Variants in ADAMTS17 observed in about 807,000 individuals in gnomAD.
ADAMTS17 encodes A disintegrin and metalloproteinase with thrombospondin motifs 17.
Under a neutral mutation model 141.5 loss-of-function variants are expected in ADAMTS17, and 113 were observed. That is an observed-to-expected ratio of 0.80 (90% CI 0.69 to 0.93). The LOEUF (loss-of-function observed/expected upper bound fraction) is 0.93. Among genes scored for constraint, ADAMTS17 ranks in the 40% least tolerant of loss-of-function variants. The probability of loss-of-function intolerance (pLI) is 0.00; values close to 1 mark genes in which losing one functional copy is unlikely to be tolerated. For missense variants in ADAMTS17, 1,659 were observed against 1,517.9 expected (o/e 1.09, Z -1.54); for synonymous variants, 768 against 630.6 (o/e 1.22, Z -3.27).
chr15:100,123,542 TC>T (rs2037561179), intron 12 of ADAMTS17, among the ~76,000 whole-genome samples: 1 of 152,178 alleles, frequency 6.6e-6, no homozygotes, highest in Admixed American at 6.5e-5. Flanking sequence ...TGAGGACTGA[TC>T]CCTGAGGACC....
chr15:100,292,431 CGTGTT>C (rs1567497835), intron 3 of ADAMTS17, among the ~76,000 whole-genome samples: 1 of 140,564 alleles, frequency 7.1e-6, no homozygotes, highest in Non-Finnish European at 1.5e-5. Flanking sequence ...ACACTCACCC[CGTGTT>C]AGAGACACTC....
intron 18 of ADAMTS17, among the ~76,000 whole-genome samples, chr15:100,047,299 G>T (rs1261859474): frequency 7.5e-6 from 1 of 133,166 alleles, no homozygotes; most frequent in Non-Finnish European, 1.5e-5. Context: ...GTGGTCCTGT[G>T]ATCTCGCCCT....
chr15:99,977,116 A>G (rs2060350701), intron 20 of ADAMTS17, among the ~76,000 whole-genome samples: 1 of 151,992 alleles, frequency 6.6e-6, no homozygotes, highest in Non-Finnish European at 1.5e-5. Flanking sequence ...ATTGGGGCTT[A>G]GAATTAAGTA....
chr15:100,192,023 A>G lies in ADAMTS17; in HGVS notation c.1181+7295T>C, dbSNP rs558030751. Among the ~76,000 whole-genome samples the G allele has an allele frequency of 1.4e-4, 21 of 152,328 alleles. No homozygotes were observed. The South Asian group carries it at 4.1e-3, about 30-fold the overall frequency. ...TAACCTATAAATATATATACCTACT[A>G]TATACCCATAAAAATTAAAAATAAA... On this transcript the variant is annotated intron_variant, in intron 8 of 21. Transcript: ENST00000268070.
At chr15:100,253,440 AGG>A (rs2043218652) in intron 7 of ADAMTS17, among the ~76,000 whole-genome samples, 1 of 14,924 alleles carries the variant, frequency 6.7e-5, no homozygotes, top group African/African-American at 3.5e-4. Context: ...GGGAAGGTAG[AGG>A]GGGAGGGGAA....
chr15:100,202,973 TTATTTAAAAA>T (rs113401318), intron 7 of ADAMTS17, among the ~76,000 whole-genome samples: 7,326 of 152,272 alleles, frequency 0.048, 548 homozygotes, highest in African/African-American at 0.16. Flanking sequence ...ATCACAGAAC[TTATTTAAAAA>T]TTTTTAAAAA....
intron 18 of ADAMTS17, among the ~76,000 whole-genome samples, chr15:100,041,130 A>G (rs2141536997): frequency 6.6e-6 from 1 of 152,318 alleles, no homozygotes; most frequent in Non-Finnish European, 1.5e-5. Flanking sequence ...ATTCCATTCC[A>G]TTTTAACCCC....
rs371229459 is a variant in ADAMTS17 at position 100,155,254 on chromosome 15, C to T, written c.1248G>A (p.Glu416=). 5.0e-5 allele frequency: 81 copies of T among 1,614,122 alleles called. No homozygotes were observed. Among genetic ancestry groups the T allele is most frequent in the Non-Finnish European group, 6.8e-5 (80 of 1,180,060 alleles). The part of the protein sequence containing the change: ...CAGRSHIMSG[E]WVKGRNPSDL... ...CACTTGGGTTCCGGCCTTTCACCCA[C>T]TCTCCTGACATGATGTGGGACCTGC... The change falls in exon 9 of 22, where the codon GAG becomes GAA. Residue 416 remains glutamate, a synonymous_variant. Coordinates refer to ENST00000268070, the MANE Select transcript of ADAMTS17 (RefSeq NM_139057.4).
intron 8 of ADAMTS17, among the ~76,000 whole-genome samples, chr15:100,181,493 T>G (rs1289485889): frequency 6.6e-6 from 1 of 152,242 alleles, no homozygotes; most frequent in Non-Finnish European, 1.5e-5. Context: ...TACCTCTGAT[T>G]ATTCAGGGCT....
chr15:100,322,589 ACAAT>A (rs2141912795), intron 3 of ADAMTS17, among the ~76,000 whole-genome samples: 1 of 152,352 alleles, frequency 6.6e-6, no homozygotes, highest in African/African-American at 2.4e-5. Context: ...AAGAGAAAAG[ACAAT>A]CAATGTAGAC....
chr15:100,095,894 G>C (rs1238929816), intron 15 of ADAMTS17, among the ~76,000 whole-genome samples: 1 of 152,214 alleles, frequency 6.6e-6, no homozygotes, highest in Non-Finnish European at 1.5e-5. Flanking sequence ...AGCTGGCAGT[G>C]GCACCTGAGA....
At chr15:100,283,236 G>A (rs913112291) in intron 3 of ADAMTS17, among the ~76,000 whole-genome samples, 1 of 152,208 alleles carries the variant, frequency 6.6e-6, no homozygotes, top group Admixed American at 6.5e-5. Context: ...CTCCCCTGAA[G>A]CCTTCCGGGC....
chr15:100,228,457 G>C (rs1280681105), intron 7 of ADAMTS17, among the ~76,000 whole-genome samples: 1 of 152,196 alleles, frequency 6.6e-6, no homozygotes, highest in Non-Finnish European at 1.5e-5. Flanking sequence ...AGAGGCTCAT[G>C]AACACTGCTG....
intron 18 of ADAMTS17, among the ~76,000 whole-genome samples, chr15:100,014,058 C>T (rs905825926): frequency 1.8e-4 from 27 of 151,958 alleles, no homozygotes; most frequent in Non-Finnish European, 3.1e-4. Flanking sequence ...ATTTCAATCT[C>T]GCTGCTTGTT....
At chr15:100,249,607 C>A (rs534043068) in intron 7 of ADAMTS17, among the ~76,000 whole-genome samples, 36 of 152,316 alleles carry the variant, frequency 2.4e-4, no homozygotes, top group African/African-American at 8.2e-4. Flanking sequence ...CTCCCCACTT[C>A]CAGAGCTCCC....
chr15:100,165,585 A>G (rs187462338), intron 8 of ADAMTS17, among the ~76,000 whole-genome samples: 29 of 152,344 alleles, frequency 1.9e-4, no homozygotes, highest in African/African-American at 7.0e-4. Flanking sequence ...TGACTTGAAT[A>G]GACTCTGAGT....
intron 14 of ADAMTS17, 125 bp downstream of exon 14, chr15:100,108,864 G>A: frequency 1.3e-6 from 2 of 1,534,794 alleles, no homozygotes; most frequent in Non-Finnish European, 1.8e-6. Flanking sequence ...GCATCACTGG[G>A]TGCCTTCCTA....
intron 8 of ADAMTS17, among the ~76,000 whole-genome samples, chr15:100,156,456 T>C (rs953915578): frequency 5.3e-5 from 8 of 152,214 alleles, no homozygotes; most frequent in Admixed American, 1.3e-4. Flanking sequence ...ATCCGCTGCC[T>C]GGCGCTCATG....
chr15:100,059,441 G>C (rs573120719), intron 15 of ADAMTS17, among the ~76,000 whole-genome samples: 3 of 146,200 alleles, frequency 2.1e-5, no homozygotes, highest in African/African-American at 8.1e-5. Context: ...GAGGTCAGCA[G>C]AGCCAGGAGG....
Sources: gnomAD v4.1 joint callset for allele counts (sites outside exome capture counted in the v4.1 genomes callset) on GRCh38, gnomAD v4.1.1 for gene constraint, MANE v1.5 for transcripts, NCBI Gene and HGNC (gene_info 2026-07-23, HGNC 2026-07-21) for gene names.